Variants in PLCZ1 observed in about 807,000 individuals in gnomAD.
The protein encoded by PLCZ1 is phospholipase C zeta 1.
PLCZ1 carries 64 observed loss-of-function variants against 76.8 expected under a neutral mutation model. That is an observed-to-expected ratio of 0.83 (90% CI 0.68 to 1.03). The LOEUF is 1.03. PLCZ1 is among the 50% of genes least tolerant of loss of function. PLCZ1 has a pLI of 0.00. For missense variants in PLCZ1, 751 were observed against 713.7 expected (o/e 1.05, Z -0.60); for synonymous variants, 248 against 230.8 (o/e 1.07, Z -0.68).
intron 10 of PLCZ1, 56 bp from the exon 11 acceptor site, chr12:18,696,322 C>CTATATA (rs71440372): frequency 0.012 from 3,335 of 267,090 alleles, 251 homozygotes; most frequent in African/African-American, 0.061. Context: ...TAAAAAGCCA[C>CTATATA]TATATATATA....
At chr12:18,723,574 G>T in intron 3 of PLCZ1, 32 bp from the exon 4 acceptor site, 2 of 1,507,768 alleles carry the variant, frequency 1.3e-6, no homozygotes, top group South Asian at 2.3e-5. Context: ...GGCTCACATT[G>T]TGAGTATAAA....
intron 12 of PLCZ1, chr12:18,693,555 T>C: frequency 6.8e-6 from 11 of 1,607,758 alleles, no homozygotes; most frequent in Non-Finnish European, 9.4e-6. Flanking sequence ...CAGAAGTACC[T>C]AGGTGATGGG....
At chr12:18,683,082 T>A (rs991884817), downstream of PLCZ1, 7 of 693,896 alleles carry the variant, frequency 1.0e-5, no homozygotes, top group Non-Finnish European at 1.7e-5. Flanking sequence ...TTTCTTCCAC[T>A]GATTTATTTT....
At position 18,692,410 on chromosome 12, in the gene PLCZ1, A is replaced by G. The variant is rs184323112; in HGVS notation, c.1461+2500T>C. Among the ~76,000 whole-genome samples the G allele has an allele frequency of 3.2e-4, 48 of 152,338 alleles. No individual in the cohort carries two copies. The East Asian group carries it at 5.8e-3, about 18-fold the overall frequency. On this transcript the variant is annotated intron_variant, in intron 12 of 14. Coordinates refer to ENST00000266505, the MANE Select transcript of PLCZ1 (RefSeq NM_033123.4). ...AAAGATTTAATGACATTTTAAAAAG[A>G]AAATAAGCATAGCACTTAGGTTATA...
At chr12:18,663,059 A>G in the PLCZ1 span, among the ~76,000 whole-genome samples, 2 of 152,056 alleles carry the variant, frequency 1.3e-5, no homozygotes, top group African/African-American at 2.4e-5. Context: ...CAAAAGACAT[A>G]GATGGAAAAC....
chr12:18,693,684 G>C (rs1954495691), intron 12 of PLCZ1: 1 of 1,566,530 alleles, frequency 6.4e-7, no homozygotes, highest in Non-Finnish European at 8.8e-7. Context: ...GGTGGTGAGA[G>C]AGAAATTCAG....
In PLCZ1 at chr12:18,723,404, G is replaced by T. The variant is rs372585048; in HGVS notation, c.274C>A (p.Leu92Met). 9 of 1,612,922 alleles carry T rather than the reference G, an allele frequency of 5.6e-6. No homozygotes were observed. The highest frequency in any genetic ancestry group is 1.3e-5 in the African/African-American group (1 of 74,876). ...ENRKILLASN[L>M]AQFLTQEQYA... Reference sequence around the variant, plus strand: ...TGTTCTTGTGTCAGAAATTGAGCCAGATTACTTGCTAAAAGAATTTTCCGG... The same window carrying T: ...TGTTCTTGTGTCAGAAATTGAGCCATATTACTTGCTAAAAGAATTTTCCGG... The change falls in exon 4 of 15, where the codon CTG becomes ATG. Residue 92 changes from leucine (L) to methionine (M), a missense_variant. Leu to Met is a conservative substitution (Grantham distance 15, BLOSUM62 2). Coordinates refer to ENST00000266505, the MANE Select transcript of PLCZ1 (RefSeq NM_033123.4).
At chr12:18,710,261 A>AT (rs896827811) in intron 6 of PLCZ1, among the ~76,000 whole-genome samples, 2 of 149,408 alleles carry the variant, frequency 1.3e-5, no homozygotes, top group East Asian at 2.0e-4. Flanking sequence ...GACTGTCACT[A>AT]TTTTTTTTAA....
At chr12:18,711,694 C>T (rs143913109) in intron 6 of PLCZ1, among the ~76,000 whole-genome samples, 54 of 151,846 alleles carry the variant, frequency 3.6e-4, no homozygotes, top group African/African-American at 9.2e-4. Flanking sequence ...AAGATCGTGG[C>T]GAGAGCAGGA....
rs990863354 is a variant in PLCZ1 at position 18,715,282 on chromosome 12, T to C, written c.570-2296A>G. 2.0e-5 allele frequency among the ~76,000 whole-genome samples: 3 copies of C among 147,962 alleles called. No individual in the cohort carries two copies. The East Asian group carries it at 6.2e-4, about 31-fold the overall frequency. ...AGTTGGAAGAACCCTGATGAGGAAG[T>C]AAGGCTTTAGAGAGAAAGAGAATTG... On this transcript the variant is annotated intron_variant, in intron 5 of 14. Coordinates refer to ENST00000266505, the MANE Select transcript of PLCZ1 (RefSeq NM_033123.4).
At chr12:18,737,804 G>C (rs1176957622) in intron 1 of PLCZ1, 128 bp downstream of exon 1, 1 of 309,054 alleles carries the variant, frequency 3.2e-6, no homozygotes, top group African/African-American at 2.1e-5. Context: ...GGTTTGGGCA[G>C]CTACTCTGAG....
chr12:18,657,941 A>T, the PLCZ1 span, among the ~76,000 whole-genome samples: 1 of 152,242 alleles, frequency 6.6e-6, no homozygotes, highest in Middle Eastern at 3.4e-3. Flanking sequence ...CATACAAAGA[A>T]CTGAAGAGAA....
At chr12:18,699,056 C>T (rs1250227219) in intron 10 of PLCZ1, among the ~76,000 whole-genome samples, 1 of 152,026 alleles carries the variant, frequency 6.6e-6, no homozygotes, top group African/African-American at 2.4e-5. Flanking sequence ...TTTCTCAGGC[C>T]CCGTTTTACC....
Position 18,724,721 on chromosome 12 carries a change from C to T in PLCZ1, c.136-1179G>A, listed in dbSNP as rs200328462. ...TTCTGGATTTTGAGGTCTGTGGAAG[C>T]GGATGTTATAGAATTAATTTCATTT... On this transcript the variant is annotated intron_variant, in intron 3 of 14. Transcript: ENST00000266505. Among the ~76,000 whole-genome samples, 31 of 152,064 alleles carry T rather than the reference C, an allele frequency of 2.0e-4. No individual in the cohort carries two copies. The East Asian group carries it at 4.3e-3, about 21-fold the overall frequency.
chr12:18,696,314 A>C (rs1287877868), intron 10 of PLCZ1, 48 bp from the exon 11 acceptor site: 1 of 540,514 alleles, frequency 1.9e-6, no homozygotes, highest in African/African-American at 2.5e-5. Context: ...AATAAATTTA[A>C]AAAGCCACTA....
intron 14 of PLCZ1, chr12:18,683,652 T>TTGAG (rs1952659694): frequency 7.5e-7 from 1 of 1,337,768 alleles, no homozygotes; most frequent in African/African-American, 1.5e-5. Flanking sequence ...AGTAAGCATA[T>TTGAG]TGAGACAAGG....
At chr12:18,700,583 A>C (rs922687275) in intron 9 of PLCZ1, among the ~76,000 whole-genome samples, 1 of 151,154 alleles carries the variant, frequency 6.6e-6, no homozygotes, top group African/African-American at 2.4e-5. Flanking sequence ...TTGAAGCTGA[A>C]ATGATATAAA....
the PLCZ1 span, chr12:18,647,819 A>G: frequency 3.8e-6 from 4 of 1,058,222 alleles, no homozygotes; most frequent in Middle Eastern, 4.3e-4. Flanking sequence ...AATACTCAAA[A>G]AAGAGATGTA....
the PLCZ1 span, among the ~76,000 whole-genome samples, chr12:18,666,289 A>C: frequency 6.6e-6 from 1 of 152,062 alleles, no homozygotes; most frequent in African/African-American, 2.4e-5. Context: ...CTTCAATTAA[A>C]GGGCATATTT....
Sources: allele counts gnomAD v4.1 joint callset (sites outside exome capture counted in the v4.1 genomes callset), GRCh38; gene constraint gnomAD v4.1.1; transcripts MANE v1.5; gene names NCBI Gene and HGNC (gene_info 2026-07-23, HGNC 2026-07-21).